The following NRG1 variants were observed in gnomAD, a reference collection of about 807,000 sequenced individuals.
NRG1 encodes neuregulin 1, also known as pro-neuregulin-1, membrane-bound isoform.
A neutral mutation model predicts 63.8 loss-of-function variants in NRG1; 18 were observed. The ratio of observed to expected loss-of-function variants is 0.28; its 90% CI spans 0.19 to 0.42. The LOEUF is 0.42. NRG1 is among the 10% of genes least tolerant of loss of function. The pLI is 1.00. For missense variants in NRG1, 762 were observed against 814.7 expected (o/e 0.94, Z 0.79); for synonymous variants, 302 against 301.3 (o/e 1.00, Z -0.02).
intron 1 of NRG1, among the ~76,000 whole-genome samples, chr8:32,589,592 C>T (rs1010644536): frequency 1.3e-5 from 2 of 152,240 alleles, no homozygotes; most frequent in East Asian, 3.9e-4. Context: ...GCTGCACAAA[C>T]GTGGAGAGTA....
At chr8:31,843,473 G>T (rs16878339) in intron 1 of NRG1, among the ~76,000 whole-genome samples, 5,997 of 152,160 alleles carry the variant, frequency 0.039, 422 homozygotes, top group African/African-American at 0.14. Flanking sequence ...CTCCTATAAG[G>T]CTGTCTTTTA....
At chr8:32,164,741 TAA>T (rs1169073286) in intron 1 of NRG1, among the ~76,000 whole-genome samples, 1 of 152,248 alleles carries the variant, frequency 6.6e-6, no homozygotes, top group Non-Finnish European at 1.5e-5. Context: ...TCTTCTCCTT[TAA>T]TCAAAGATGG....
chr8:31,815,899 A>G (rs1005675237), intron 1 of NRG1, among the ~76,000 whole-genome samples: 2 of 151,168 alleles, frequency 1.3e-5, no homozygotes, highest in Non-Finnish European at 1.5e-5. Context: ...TTGTATTTCT[A>G]TAGTTGTTAT....
At chr8:31,972,837 C>A (rs753785550) in intron 1 of NRG1, among the ~76,000 whole-genome samples, 1 of 152,208 alleles carries the variant, frequency 6.6e-6, no homozygotes, top group Non-Finnish European at 1.5e-5. Flanking sequence ...ATATCTCACT[C>A]TTCTGCCTCA....
intron 1 of NRG1, among the ~76,000 whole-genome samples, chr8:32,309,747 G>C (rs1251039751): frequency 6.6e-6 from 1 of 152,228 alleles, no homozygotes; most frequent in African/African-American, 2.4e-5. Flanking sequence ...GCTAAGTTCA[G>C]AATACTTTAT....
chr8:32,062,319 G>A (rs1391787534), intron 1 of NRG1, among the ~76,000 whole-genome samples: 1 of 152,068 alleles, frequency 6.6e-6, no homozygotes, highest in African/African-American at 2.4e-5. Context: ...GTCTTCTCCA[G>A]GTTTGTCTTG....
intron 1 of NRG1, among the ~76,000 whole-genome samples, chr8:32,075,593 A>C (rs1826374219): frequency 6.6e-6 from 1 of 151,948 alleles, no homozygotes; most frequent in Non-Finnish European, 1.5e-5. Context: ...TGTGAATGCT[A>C]TGTAAATAGT....
chr8:32,468,547 C>G (rs181845742), intron 1 of NRG1, among the ~76,000 whole-genome samples: 1 of 152,162 alleles, frequency 6.6e-6, no homozygotes. Context: ...TTTAACATTT[C>G]TCTGAATAAC....
intron 6 of NRG1, among the ~76,000 whole-genome samples, chr8:32,737,165 A>G (rs1323908805): frequency 1.3e-5 from 2 of 152,216 alleles, no homozygotes; most frequent in African/African-American, 4.8e-5. Context: ...CTTTTAAAGA[A>G]TCAAAGAATC....
intron 1 of NRG1, among the ~76,000 whole-genome samples, chr8:32,400,481 A>G (rs1813030650): frequency 6.6e-6 from 1 of 152,232 alleles, no homozygotes; most frequent in East Asian, 1.9e-4. Context: ...CAAACTGGGC[A>G]AACGACACGA....
chr8:32,025,369 C>T (rs996924638), intron 1 of NRG1, among the ~76,000 whole-genome samples: 2 of 151,964 alleles, frequency 1.3e-5, no homozygotes, highest in African/African-American at 4.8e-5. Context: ...TTTCTTTGTA[C>T]ATTTCTGGAT....
chr8:32,279,118 C>T (rs769539338), intron 1 of NRG1, among the ~76,000 whole-genome samples: 15 of 152,180 alleles, frequency 9.9e-5, no homozygotes, highest in African/African-American at 2.4e-4. Flanking sequence ...GCCCCAGAGA[C>T]GCTGCTACTT....
intron 1 of NRG1, among the ~76,000 whole-genome samples, chr8:32,233,563 A>ATATTTTTT (rs34593729): frequency 2.2e-4 from 15 of 67,256 alleles, no homozygotes; most frequent in South Asian, 6.0e-4. Flanking sequence ...ATATATATAT[A>ATATTTTTT]TTTTTTTTTT....
At chr8:31,850,842 C>T (rs1827143155) in intron 1 of NRG1, among the ~76,000 whole-genome samples, 1 of 152,190 alleles carries the variant, frequency 6.6e-6, no homozygotes, top group African/African-American at 2.4e-5. Flanking sequence ...TGTGATTTGA[C>T]ATCTGCCCAT....
rs535885880 is a variant in NRG1 at position 31,874,276 on chromosome 8, A to T, written c.37+234845A>T. The stretch of plus-strand genomic sequence containing the variant: ...GCATGCCATAAATAAGAGACTTAAT[A>T]GTCAGTTGGCAAGTTGCTTCATGCT... On this transcript the variant is annotated intron_variant, in intron 1 of 10. Transcript: ENST00000519301. 7.2e-5 allele frequency among the ~76,000 whole-genome samples: 11 copies of T among 152,344 alleles called. No homozygotes were observed. The East Asian group carries it at 2.1e-3, about 29-fold the overall frequency.
rs564991394 is a variant in NRG1, at chr8:32,519,077, A to G, written c.38-76751A>G. Among the ~76,000 whole-genome samples, 4 of 152,256 alleles carry G rather than the reference A, an allele frequency of 2.6e-5. No homozygotes were observed. In the South Asian group the frequency reaches 8.3e-4, roughly 32 times the overall value. On this transcript the variant is annotated intron_variant, in intron 1 of 10. Transcript: ENST00000519301. ...TCTGTTGATGAAATTTCTTAGGGTT[A>G]GAATTTTTTTTTACCAGATATGAAA...
intron 1 of NRG1, among the ~76,000 whole-genome samples, chr8:31,819,123 C>G (rs905982179): frequency 1.2e-4 from 19 of 152,210 alleles, no homozygotes; most frequent in Middle Eastern, 3.4e-3. Flanking sequence ...CTGTAGTCCC[C>G]AGCTACTTGG....
chr8:32,466,050 A>C (rs190352837), intron 1 of NRG1, among the ~76,000 whole-genome samples: 2 of 152,196 alleles, frequency 1.3e-5, no homozygotes, highest in Middle Eastern at 3.4e-3. Flanking sequence ...AGCCTGTAAT[A>C]CCAGCACTTT....
intron 5 of NRG1, among the ~76,000 whole-genome samples, chr8:32,707,187 G>A (rs984214909): frequency 6.6e-6 from 1 of 151,902 alleles, no homozygotes; most frequent in Admixed American, 6.6e-5. Flanking sequence ...ATTAGATATA[G>A]CAGACTTGCC....
Sources: allele counts gnomAD v4.1 joint callset (sites outside exome capture counted in the v4.1 genomes callset), GRCh38; gene constraint gnomAD v4.1.1; transcripts MANE v1.5; gene names NCBI Gene and HGNC (gene_info 2026-07-23, HGNC 2026-07-21).